CAND2: variants seen among roughly 807,000 people sequenced by gnomAD.
CAND2 encodes cullin associated and neddylation dissociated 2 (putative).
In CAND2, 62 loss-of-function variants were observed where a neutral mutation model predicts 98.9. That is an observed-to-expected ratio of 0.63 (90% confidence interval 0.51 to 0.77). CAND2 has a LOEUF of 0.77. Ranked by LOEUF, CAND2 falls within the 30% of genes least tolerant of loss-of-function variation. The pLI, the probability that CAND2 is intolerant of heterozygous loss-of-function variation, is 0.00. For synonymous variants in CAND2, 770 were observed against 731.9 expected, an observed-to-expected ratio of 1.05 and a Z score of -0.84; for missense variants, 1,501 against 1,655.2, an observed-to-expected ratio of 0.91 and a Z score of 1.62.
chr3:12,810,884 C>T (rs2061846845), intron 5 of CAND2, among the ~76,000 whole-genome samples: 2 of 152,238 alleles, frequency 1.3e-5, no homozygotes, highest in African/African-American at 4.8e-5. Context: ...CCCCCAAAAG[C>T]TTCCTTGTGT....
At position 12,816,849 on chromosome 3, in the gene CAND2, A is replaced by G. The variant is rs764937718; in HGVS notation, c.1917A>G (p.Val639=). ...PAIKALTLVA[V]SPLQLDLQPI... ...TCAAGGCGCTTACGCTGGTGGCCGT[A>G]TCCCCACTACAGCTTGACCTACAGC... The change falls in exon 10 of 15, where the codon GTA becomes GTG. Residue 639 remains valine (V), a synonymous_variant. Coordinates refer to ENST00000456430, the MANE Select transcript of CAND2 (RefSeq NM_001162499.2). 6.2e-7 allele frequency: 1 copy of G among 1,613,802 alleles called. No homozygotes were observed. Among genetic ancestry groups the G allele is most frequent in the Non-Finnish European group, 8.5e-7 (1 of 1,180,026 alleles).
intron 1 of CAND2, among the ~76,000 whole-genome samples, chr3:12,800,553 A>T (rs999160592): frequency 2.0e-5 from 3 of 152,114 alleles, no homozygotes; most frequent in Non-Finnish European, 4.4e-5. Flanking sequence ...CCGCTCTCAC[A>T]TGCCTGCAGG....
intron 13 of CAND2, among the ~76,000 whole-genome samples, chr3:12,829,017 G>A (rs2124873605): frequency 6.6e-6 from 1 of 152,328 alleles, no homozygotes; most frequent in Middle Eastern, 3.4e-3. Context: ...GTGAACCTAG[G>A]TGTTCCGATA....
At chr3:12,803,662 G>T (rs1185672338) in intron 2 of CAND2, 31 bp downstream of exon 2, 1 of 1,560,148 alleles carries the variant, frequency 6.4e-7, no homozygotes, top group South Asian at 1.2e-5. Flanking sequence ...AGCAGGAGAG[G>T]GGGCCCTACC....
chr3:12,797,141 T>C (rs1463769211), intron 1 of CAND2, among the ~76,000 whole-genome samples: 3 of 136,588 alleles, frequency 2.2e-5, no homozygotes. Flanking sequence ...GGCCCCCTTC[T>C]TCCCCCGCAG....
At chr3:12,800,864 AG>A (rs2124832357) in intron 1 of CAND2, among the ~76,000 whole-genome samples, 1 of 151,440 alleles carries the variant, frequency 6.6e-6, no homozygotes, top group East Asian at 1.9e-4. Context: ...CTGGGACTAC[AG>A]GTGTGCACCA....
intron 11 of CAND2, among the ~76,000 whole-genome samples, chr3:12,822,925 CCT>C (rs1341405488): frequency 3.3e-5 from 5 of 152,148 alleles, no homozygotes; most frequent in East Asian, 1.9e-4. Context: ...TCCCTCCCTG[CCT>C]CTCTTTCTCT....
At chr3:12,801,542 G>A (rs1300559009) in intron 1 of CAND2, among the ~76,000 whole-genome samples, 6 of 152,152 alleles carry the variant, frequency 3.9e-5, no homozygotes, top group Non-Finnish European at 5.9e-5. Context: ...TCAACTTTCC[G>A]TGGCTTCCAG....
chr3:12,814,445 C>T (rs971967937), intron 7 of CAND2, among the ~76,000 whole-genome samples: 1 of 152,170 alleles, frequency 6.6e-6, no homozygotes, highest in Admixed American at 6.5e-5. Flanking sequence ...TGGAGCTTGG[C>T]AGTACCTTCA....
At chr3:12,827,694 C>T (rs2062015738) in intron 13 of CAND2, 90 bp downstream of exon 13, 1 of 1,216,468 alleles carries the variant, frequency 8.2e-7, no homozygotes, top group South Asian at 1.7e-5. Context: ...TCCTTGCTCC[C>T]TACTCCAGGC....
At chr3:12,816,076 G>A in intron 9 of CAND2, 68 bp downstream of exon 9, 1 of 1,500,440 alleles carries the variant, frequency 6.7e-7, no homozygotes, top group South Asian at 1.2e-5. Context: ...CCACCCCTGA[G>A]TTGAGCCCCC....
chr3:12,832,118 GTTTT>G (rs1412207693), intron 14 of CAND2: 3 of 152,252 alleles, frequency 2.0e-5, no homozygotes, highest in African/African-American at 7.2e-5. Context: ...ATACATTTGG[GTTTT>G]TTAAGGATGG....
chr3:12,817,626 C>A lies in CAND2; in HGVS notation c.2694C>A (p.Pro898=). The change falls in exon 10 of 15, where the codon CCC becomes CCA. Residue 898 remains proline, a synonymous_variant. Coordinates refer to ENST00000456430, the MANE Select transcript of CAND2 (RefSeq NM_001162499.2). ...VGAGSLPDFL[P]FLLEQIEAEP... is the part of the protein sequence containing the mutation. Reference sequence around the variant, plus strand: ...CTGGCAGCCTGCCCGACTTCCTGCCCTTCCTGCTGGAGCAGATCGAGGCTG... The same window carrying A: ...CTGGCAGCCTGCCCGACTTCCTGCCATTCCTGCTGGAGCAGATCGAGGCTG... 6.2e-7 allele frequency: 1 copy of A among 1,613,652 alleles called. No individual in the cohort carries two copies.
In CAND2 at chr3:12,824,645, A is replaced by G. The variant is rs2061985344; in HGVS notation, c.3041-825A>G. On this transcript the variant is annotated intron_variant, in intron 11 of 14. Transcript: ENST00000456430. ...TGTACAAGTCTGGGCACAGTGGCTCATGCCTGTAATCTCGGCACTGTGGGT... is the reference window on the plus strand; with the variant it reads ...TGTACAAGTCTGGGCACAGTGGCTCGTGCCTGTAATCTCGGCACTGTGGGT... 2.0e-5 allele frequency among the ~76,000 whole-genome samples: 3 copies of G among 152,204 alleles called. No individual in the cohort carries two copies. The South Asian group carries it at 6.2e-4, about 31-fold the overall frequency.
At chr3:12,809,597 TG>T (rs1046744728) in intron 4 of CAND2, among the ~76,000 whole-genome samples, 1 of 152,146 alleles carries the variant, frequency 6.6e-6, no homozygotes, top group Admixed American at 6.6e-5. Context: ...TGTCTGGTGT[TG>T]CCTCTTGTCT....
At chr3:12,796,946 C>T (rs1302478745) in intron 1 of CAND2, among the ~76,000 whole-genome samples, 158 bp downstream of exon 1, 1 of 151,848 alleles carries the variant, frequency 6.6e-6, no homozygotes, top group African/African-American at 2.4e-5. Context: ...CAGGCCCACT[C>T]CTGCCTCGTG....
rs375037359 is a variant in CAND2, at chr3:12,807,380, G to A, written c.287G>A (p.Arg96Gln). 5.1e-5 allele frequency: 79 copies of A among 1,551,728 alleles called. No homozygotes were observed. The highest frequency in any genetic ancestry group is 7.8e-5 in the Admixed American group (4 of 51,010). Residue 96 changes from arginine (R) to glutamine (Q), a missense_variant, in exon 3 of 15, where the codon CGG (arginine) becomes CAG (glutamine). Physicochemically the swap from Arg to Gln is conservative, Grantham distance 43. This residue lies in a region of CAND2 where 1,427 missense variants were observed against 1,545.3 expected (regional missense o/e 0.92). Coordinates refer to ENST00000456430, the MANE Select transcript of CAND2 (RefSeq NM_001162499.2). ...TIVDTLCTNM[R>Q]SDKEQLRDIA... ...GTGGACACCCTGTGCACCAACATGCGGTCAGACAAGGAGCAGCTGCGAGAC... is the reference window on the plus strand; with the variant it reads ...GTGGACACCCTGTGCACCAACATGCAGTCAGACAAGGAGCAGCTGCGAGAC...
Position 12,816,379 on chromosome 3 carries a change from A to G in CAND2, c.1447A>G (p.Ile483Val). Residue 483 changes from isoleucine to valine, a missense_variant, in exon 10 of 15, where the codon ATC (isoleucine) becomes GTC (valine). By Grantham distance (29) the Ile-to-Val change is conservative. Around this residue, in one of 3 missense-constraint regions of CAND2, gnomAD observed 1,427 missense variants for 1,545.3 expected, o/e 0.92. Coordinates refer to ENST00000456430, the MANE Select transcript of CAND2 (RefSeq NM_001162499.2). ...EHMPVLVSGIIFSLADRSSSS... is the reference protein window; with the variant it reads ...EHMPVLVSGIVFSLADRSSSS... ...CCTTTGCATTCACCCTGCAGGCATC[A>G]TCTTCTCGCTGGCCGACCGCTCCAG... 6.2e-7 allele frequency: 1 copy of G among 1,609,744 alleles called. No homozygotes were observed. Among genetic ancestry groups the G allele is most frequent in the East Asian group, 2.2e-5 (1 of 44,868 alleles).
At position 12,833,765 on chromosome 3, in the gene CAND2, G is replaced by A. The variant is rs756908307; in HGVS notation, c.3494G>A (p.Gly1165Asp). 4.3e-6 allele frequency: 7 copies of A among 1,613,784 alleles called. No homozygotes were observed. The African/African-American group carries it at 8.0e-5, about 18-fold the overall frequency. ...RATCTAKVKA[G>D]SVKQEFEKQD... The stretch of plus-strand genomic sequence containing the variant: ...TGTTTCCTACTTTAGGTCAAAGCTG[G>A]TTCTGTGAAGCAGGAGTTTGAAAAG... The change falls in exon 15 of 15, where the codon GGT (glycine) becomes GAT (aspartate). Residue 1165 changes from glycine to aspartate, a missense_variant. Gly to Asp is a moderately conservative substitution (Grantham distance 94). Around this residue, in one of 3 missense-constraint regions of CAND2, gnomAD observed 1,427 missense variants for 1,545.3 expected, o/e 0.92. Coordinates refer to ENST00000456430, the MANE Select transcript of CAND2 (RefSeq NM_001162499.2).
Sources: allele counts gnomAD v4.1 joint callset (sites outside exome capture counted in the v4.1 genomes callset), GRCh38; gene constraint gnomAD v4.1.1; regional missense constraint gnomAD v4.1.1; transcripts MANE v1.5; gene names NCBI Gene and HGNC (gene_info 2026-07-23, HGNC 2026-07-21).